TRAPPC6B: variants seen among roughly 807,000 people sequenced by gnomAD.
TRAPPC6B encodes the protein trafficking protein particle complex subunit 6B.
In TRAPPC6B, 27 loss-of-function variants were observed where a neutral mutation model predicts 24.7. The observed-to-expected ratio is 1.09, with a 90% CI of 0.81 to 1.51. The LOEUF (loss-of-function observed/expected upper bound fraction) is 1.51, where lower values mean the gene tolerates loss of function less well. Among genes scored for constraint, TRAPPC6B ranks in the 40% most tolerant of loss-of-function variants. The pLI is 0.00. For synonymous variants in TRAPPC6B, 80 were observed against 66.6 expected, an observed-to-expected ratio of 1.20 and a Z score of -0.98; for missense variants, 212 against 190.8, an observed-to-expected ratio of 1.11 and a Z score of -0.66.
At chr14:39,154,669 C>T (rs1193370611) in intron 3 of TRAPPC6B, among the ~76,000 whole-genome samples, 1 of 152,108 alleles carries the variant, frequency 6.6e-6, no homozygotes, top group Non-Finnish European at 1.5e-5. Flanking sequence ...ATCTGCCCAC[C>T]TTGACCTCCC....
At chr14:39,150,832 C>A (rs56276842) in intron 5 of TRAPPC6B, among the ~76,000 whole-genome samples, 1 of 152,034 alleles carries the variant, frequency 6.6e-6, no homozygotes, top group Non-Finnish European at 1.5e-5. Context: ...GCACCACACC[C>A]GGCCAGTCAA....
intron 5 of TRAPPC6B, 65 bp from the exon 6 acceptor site, chr14:39,150,446 T>C (rs536392862): frequency 8.1e-7 from 1 of 1,234,248 alleles, no homozygotes; most frequent in South Asian, 1.4e-5. Context: ...TAAACATCAA[T>C]TTTCTGTTCC....
chr14:39,157,815 G>T, intron 3 of TRAPPC6B: 1 of 218,776 alleles, frequency 4.6e-6, no homozygotes. Flanking sequence ...TTGTCAAGCA[G>T]GAAAAGGCAA....
chr14:39,160,994 G>A (rs1207859617), intron 1 of TRAPPC6B, among the ~76,000 whole-genome samples: 2 of 152,076 alleles, frequency 1.3e-5, no homozygotes, highest in Non-Finnish European at 1.5e-5. Context: ...AAAACCAAGT[G>A]GATTCTAAGT....
At chr14:39,158,090 A>G (rs1333947599) in intron 3 of TRAPPC6B, among the ~76,000 whole-genome samples, 195 bp downstream of exon 3, 1 of 152,218 alleles carries the variant, frequency 6.6e-6, no homozygotes, top group East Asian at 1.9e-4. Context: ...AGGAACAGCT[A>G]TCATTACTGA....
rs557871044 is a variant in TRAPPC6B at position 39,167,840 on chromosome 14, T to C, written c.81+2175A>G. On this transcript the variant is annotated intron_variant, in intron 1 of 5. Transcript: ENST00000330149. ...AATTATCAGGCCTGAGTAGAACAGCTCTGTTCATTTTATTTAGGATTAACC... is the reference window on the plus strand; with the variant it reads ...AATTATCAGGCCTGAGTAGAACAGCCCTGTTCATTTTATTTAGGATTAACC... Among the ~76,000 whole-genome samples, 5 of 151,532 alleles carry C rather than the reference T, an allele frequency of 3.3e-5. No homozygotes were observed. The East Asian group carries it at 5.8e-4, about 18-fold the overall frequency.
At chr14:39,157,136 A>T (rs1281593067) in intron 3 of TRAPPC6B, 1 of 227,604 alleles carries the variant, frequency 4.4e-6, no homozygotes, top group African/African-American at 2.4e-5. Context: ...AGAAAGAAAG[A>T]AAGTGGTGAA....
At chr14:39,157,506 C>G (rs749185337) in intron 3 of TRAPPC6B, 11 of 392,176 alleles carry the variant, frequency 2.8e-5, no homozygotes, top group Non-Finnish European at 4.5e-5. Context: ...TGGAGGAGAA[C>G]AAGAAGGCTC....
intron 4 of TRAPPC6B, among the ~76,000 whole-genome samples, chr14:39,152,951 G>A (rs1052154820): frequency 1.2e-4 from 18 of 152,066 alleles, no homozygotes; most frequent in African/African-American, 4.3e-4. Context: ...AGCATTTTGG[G>A]TGGCTTTTGT....
chr14:39,151,422 T>G (rs1188281917), intron 5 of TRAPPC6B, among the ~76,000 whole-genome samples: 1 of 150,796 alleles, frequency 6.6e-6, no homozygotes, highest in Non-Finnish European at 1.5e-5. Flanking sequence ...AATAGCATTT[T>G]CAATGTTCTA....
intron 3 of TRAPPC6B, chr14:39,157,263 C>A: frequency 2.7e-6 from 1 of 375,928 alleles, no homozygotes; most frequent in Non-Finnish European, 5.1e-6. Context: ...GGCACAAAGC[C>A]ATCCTCTGTA....
rs139302444 is a variant in TRAPPC6B at position 39,154,185 on chromosome 14, A to T, written c.351+26T>A. 3.1e-4 allele frequency: 460 copies of T among 1,472,772 alleles called. 4 individuals carry two copies. In the East Asian group the frequency reaches 0.01, roughly 33 times the overall value. 91.2% of individuals were successfully genotyped at this position (1,472,772 alleles called of 1,614,324 possible). A position where few individuals can be genotyped will look rare whatever the true frequency, so the allele number is the denominator to read the frequency against. On this transcript the variant is annotated intron_variant, in intron 4 of 5. Coordinates refer to ENST00000330149, the MANE Select transcript of TRAPPC6B (RefSeq NM_001079537.2). The stretch of plus-strand genomic sequence containing the variant: ...CCCTGTAGTCCTACTATTAACAAAA[A>T]CCCCAACTTCTATTCCATTAAATAC...
Position 39,159,491 on chromosome 14 carries a change from C to G in TRAPPC6B, c.141G>C (p.Leu47Phe). Reference sequence around the variant, plus strand: ...AAATCCAACCTGCTCACCTTTCTATCAATCCTTGTCCCACTCGAAACCCCA... The same window carrying G: ...AAATCCAACCTGCTCACCTTTCTATGAATCCTTGTCCCACTCGAAACCCCA... Reference protein sequence around the residue: ...ENMGFRVGQGLIERFTKDTAR... With the variant: ...ENMGFRVGQGFIERFTKDTAR... Residue 47 changes from leucine (L) to phenylalanine (F), a missense_variant, in exon 2 of 6, where the codon TTG becomes TTC. By Grantham distance (22) the Leu-to-Phe change is conservative. Transcript: ENST00000330149. 1 of 1,591,614 alleles carries G rather than the reference C, an allele frequency of 6.3e-7. No individual in the cohort carries two copies. Among genetic ancestry groups the G allele is most frequent in the Non-Finnish European group, 8.6e-7 (1 of 1,168,402 alleles).
intron 1 of TRAPPC6B, among the ~76,000 whole-genome samples, chr14:39,165,009 C>T (rs1594544406): frequency 6.6e-6 from 1 of 152,090 alleles, no homozygotes; most frequent in Non-Finnish European, 1.5e-5. Context: ...TCTTCTGTCT[C>T]CCTGCCTTTT....
intron 3 of TRAPPC6B, chr14:39,157,113 AAAAAAAAAAAAAAG>A: frequency 1.1e-5 from 2 of 181,172 alleles, no homozygotes; most frequent in South Asian, 8.4e-5. Context: ...TCTCAAAAAA[AAAAAAAAAAAAAAG>A]AAAGAAAGAA....
rs1014465608 is a variant in TRAPPC6B, at chr14:39,165,812, G to GT, written c.81+4202dup. Among the ~76,000 whole-genome samples, 88 of 147,672 alleles carry GT rather than the reference G, an allele frequency of 6.0e-4. 1 individual carries two copies. Among genetic ancestry groups the GT allele is most frequent in the East Asian group, 1.2e-3 (6 of 4,916 alleles). ...ACATTGTCTCTCTCTCTCTCTCTCT[G>GT]TTTTTTTTTGAGACTGAGTCTTGCT... On this transcript the variant is annotated intron_variant, in intron 1 of 5. Transcript: ENST00000330149.
chr14:39,163,454 T>C (rs1171340499), intron 1 of TRAPPC6B, among the ~76,000 whole-genome samples: 3 of 150,694 alleles, frequency 2.0e-5, no homozygotes, highest in Non-Finnish European at 4.4e-5. Flanking sequence ...CCAATTTACT[T>C]AATCAGAAAC....
At position 39,170,303 on chromosome 14, in the gene TRAPPC6B, G is replaced by C. The variant is rs1594549274; in HGVS notation, c.-208C>G. On this transcript the variant is annotated 5_prime_UTR_variant, in exon 1 of 6. Coordinates refer to ENST00000330149, the MANE Select transcript of TRAPPC6B (RefSeq NM_001079537.2). ...TACTGGAGAGAGCCCACACTTCGGG[G>C]CTACCAAATCCTAGGGCCGAACTAA... 1 of 571,824 alleles carries C rather than the reference G, an allele frequency of 1.7e-6. No homozygotes were observed. The highest frequency in any genetic ancestry group is 3.0e-5 in the East Asian group (1 of 32,928). 35.4% of individuals were successfully genotyped at this position (571,824 alleles called of 1,614,324 possible).
At chr14:39,162,853 T>C (rs1389036136) in intron 1 of TRAPPC6B, among the ~76,000 whole-genome samples, 1 of 152,110 alleles carries the variant, frequency 6.6e-6, no homozygotes, top group Non-Finnish European at 1.5e-5. Flanking sequence ...CCAGACCCCA[T>C]ACCTCTCTGG....
Sources: gnomAD v4.1 joint callset for allele counts (sites outside exome capture counted in the v4.1 genomes callset) on GRCh38, gnomAD v4.1.1 for gene constraint, MANE v1.5 for transcripts, NCBI Gene and HGNC (gene_info 2026-07-23, HGNC 2026-07-21) for gene names.